Variants in AGBL4 observed in about 807,000 individuals in gnomAD.
The protein encoded by AGBL4 is AGBL carboxypeptidase 4.
Under a neutral mutation model 66.4 loss-of-function variants are expected in AGBL4, and 58 were observed. The ratio of observed to expected loss-of-function variants is 0.87; its 90% CI spans 0.71 to 1.09. The LOEUF is 1.09. Ranked by LOEUF, AGBL4 falls within the 50% of genes least tolerant of loss-of-function variation. The pLI is 0.00. For missense variants in AGBL4, 579 were observed against 631.0 expected, an observed-to-expected ratio of 0.92 and a Z score of 0.88; for synonymous variants, 234 against 222.9, an observed-to-expected ratio of 1.05 and a Z score of -0.44.
chr1:49,903,644 T>C (rs1405137707), intron 1 of AGBL4, among the ~76,000 whole-genome samples: 3 of 152,162 alleles, frequency 2.0e-5, no homozygotes, highest in African/African-American at 4.8e-5. Context: ...AAATGAATAA[T>C]AGATGAAATA....
At chr1:48,920,192 T>C (rs1653964202) in intron 5 of AGBL4, among the ~76,000 whole-genome samples, 1 of 152,192 alleles carries the variant, frequency 6.6e-6, no homozygotes, top group Non-Finnish European at 1.5e-5. Flanking sequence ...TTCCTCACTG[T>C]GCCACTAATT....
intron 3 of AGBL4, among the ~76,000 whole-genome samples, chr1:49,427,701 T>C (rs1412999162): frequency 6.6e-6 from 1 of 151,816 alleles, no homozygotes; most frequent in African/African-American, 2.4e-5. Context: ...ACCCAAAGAG[T>C]GAGGAGCAGC....
chr1:48,749,533 C>A (rs1409220936), intron 6 of AGBL4, among the ~76,000 whole-genome samples: 1 of 152,194 alleles, frequency 6.6e-6, no homozygotes, highest in East Asian at 1.9e-4. Flanking sequence ...CCAAAGACAG[C>A]TCTTTCCACT....
intron 6 of AGBL4, among the ~76,000 whole-genome samples, chr1:48,704,276 C>T (rs138213211): frequency 8.5e-5 from 13 of 152,274 alleles, no homozygotes; most frequent in Non-Finnish European, 1.3e-4. Context: ...GAAGAACTGG[C>T]GGTGGTGAGC....
At chr1:48,591,026 A>T in intron 9 of AGBL4, 41 bp from the exon 10 acceptor site, 1 of 1,559,836 alleles carries the variant, frequency 6.4e-7, no homozygotes, top group Non-Finnish European at 8.7e-7. Flanking sequence ...TCTGGGCTGT[A>T]GAGCTTGTGT....
chr1:49,654,868 CTT>C (rs1325444437), intron 3 of AGBL4, among the ~76,000 whole-genome samples: 3 of 152,124 alleles, frequency 2.0e-5, no homozygotes, highest in African/African-American at 4.8e-5. Flanking sequence ...GATCTTGACT[CTT>C]TATCCAATTT....
At position 48,533,795 on chromosome 1, in the gene AGBL4, C is replaced by A; in HGVS notation, c.*378G>T. 1 of 229,416 alleles carries A rather than the reference C, an allele frequency of 4.4e-6. No homozygotes were observed. Among genetic ancestry groups the A allele is most frequent in the Non-Finnish European group, 8.6e-6 (1 of 115,880 alleles). The allele number at this position is 229,416 out of a possible 1,614,324, so 14.2% of individuals were successfully genotyped here. On this transcript the variant is annotated 3_prime_UTR_variant, in exon 14 of 14. Transcript: ENST00000371839. ...ACAACCAAGCCTATTTAAAAGGTAA[C>A]CATCTGCAGTAACTATAAAACTTAA...
intron 3 of AGBL4, among the ~76,000 whole-genome samples, chr1:49,666,573 A>G (rs1227736363): frequency 6.6e-6 from 1 of 151,840 alleles, no homozygotes; most frequent in Non-Finnish European, 1.5e-5. Context: ...CTCAAAATAA[A>G]TAAATAAATA....
intron 11 of AGBL4, among the ~76,000 whole-genome samples, chr1:48,569,630 G>A (rs1388139718): frequency 6.6e-6 from 1 of 152,168 alleles, no homozygotes; most frequent in Non-Finnish European, 1.5e-5. Context: ...TCTAAACATG[G>A]ATAAGGTCAT....
chr1:49,753,421 T>C (rs1465589463), intron 2 of AGBL4, among the ~76,000 whole-genome samples: 1 of 152,180 alleles, frequency 6.6e-6, no homozygotes, highest in Non-Finnish European at 1.5e-5. Flanking sequence ...ACTTACAGGG[T>C]TTCTGCAGAG....
At chr1:48,748,135 G>A (rs897071252) in intron 6 of AGBL4, among the ~76,000 whole-genome samples, 1 of 152,130 alleles carries the variant, frequency 6.6e-6, no homozygotes, top group African/African-American at 2.4e-5. Flanking sequence ...AAGTACCTGG[G>A]CAGGGGAACA....
intron 1 of AGBL4, among the ~76,000 whole-genome samples, chr1:49,911,779 C>T (rs1650855789): frequency 6.6e-6 from 1 of 152,318 alleles, no homozygotes; most frequent in Admixed American, 6.5e-5. Context: ...GCAACCAAAA[C>T]CATCTGCCAC....
chr1:49,011,685 C>T (rs1278630767), intron 5 of AGBL4, among the ~76,000 whole-genome samples: 2 of 152,028 alleles, frequency 1.3e-5, no homozygotes, highest in East Asian at 1.9e-4. Flanking sequence ...TGTACACCAT[C>T]GAATCCTATG....
chr1:49,145,031 C>T lies in AGBL4; in HGVS notation c.378-99231G>A, dbSNP rs1209752641. Among the ~76,000 whole-genome samples, 3 of 152,008 alleles carry T rather than the reference C, an allele frequency of 2.0e-5. No individual in the cohort carries two copies. In the East Asian group the frequency reaches 5.8e-4, roughly 29 times the overall value. ...ACAGGATGGGGTCAGTCCAGCCTTA[C>T]CCCGGATCAGGCATAAAATGTGTTC... On this transcript the variant is annotated intron_variant, in intron 4 of 13. Transcript: ENST00000371839.
At chr1:49,124,546 C>T (rs1645727602) in intron 4 of AGBL4, among the ~76,000 whole-genome samples, 1 of 152,092 alleles carries the variant, frequency 6.6e-6, no homozygotes, top group African/African-American at 2.4e-5. Flanking sequence ...TGATGTAGCT[C>T]AATGGAGAGG....
At chr1:49,410,630 T>C (rs1357735476) in intron 3 of AGBL4, among the ~76,000 whole-genome samples, 1 of 152,210 alleles carries the variant, frequency 6.6e-6, no homozygotes, top group Non-Finnish European at 1.5e-5. Flanking sequence ...ATTAGAGCAG[T>C]GAACAAAGTT....
At chr1:49,349,090 T>C (rs1645697110) in intron 3 of AGBL4, among the ~76,000 whole-genome samples, 1 of 152,234 alleles carries the variant, frequency 6.6e-6, no homozygotes, top group Non-Finnish European at 1.5e-5. Context: ...ATCCTCTGAG[T>C]CCTTGCTCAT....
chr1:48,865,362 G>T (rs1310787561), intron 6 of AGBL4, among the ~76,000 whole-genome samples: 1 of 152,194 alleles, frequency 6.6e-6, no homozygotes, highest in Non-Finnish European at 1.5e-5. Context: ...GGGGGCTTCA[G>T]TTGCGCTAGG....
chr1:48,976,811 CCTA>C, intron 5 of AGBL4, among the ~76,000 whole-genome samples: 1 of 152,074 alleles, frequency 6.6e-6, no homozygotes, highest in East Asian at 1.9e-4. Flanking sequence ...TCCAATATCC[CCTA>C]CTTTTTTAGA....
Sources: gnomAD v4.1 joint callset for allele counts (sites outside exome capture counted in the v4.1 genomes callset) on GRCh38, gnomAD v4.1.1 for gene constraint, MANE v1.5 for transcripts, NCBI Gene and HGNC (gene_info 2026-07-23, HGNC 2026-07-21) for gene names.